Variants in KDM4B observed in about 807,000 individuals in gnomAD.
The protein encoded by KDM4B is lysine demethylase 4B.
In KDM4B, 32 loss-of-function variants were observed where a neutral mutation model predicts 125.2. That is an observed-to-expected ratio of 0.26 (90% CI 0.19 to 0.34). The LOEUF (loss-of-function observed/expected upper bound fraction) is 0.34. KDM4B is among the 10% of genes least tolerant of loss of function. The pLI is 1.00. For missense variants in KDM4B, 1,190 were observed against 1,577.7 expected, an observed-to-expected ratio of 0.75 and a Z score of 4.16; for synonymous variants, 721 against 677.9, an observed-to-expected ratio of 1.06 and a Z score of -0.99.
intron 1 of KDM4B, among the ~76,000 whole-genome samples, chr19:4,969,452 G>A (rs1161146724): frequency 2.7e-5 from 4 of 148,478 alleles, no homozygotes; most frequent in African/African-American, 9.7e-5. Context: ...GGGCGGGGGC[G>A]GCGGGGCCGG....
chr19:5,031,443 C>T lies in KDM4B; in HGVS notation c.-25-1423C>T, dbSNP rs529919911. Among the ~76,000 whole-genome samples the T allele has an allele frequency of 4.6e-5, 7 of 152,356 alleles. No homozygotes were observed. In the South Asian group the frequency reaches 8.3e-4, roughly 18 times the overall value. On this transcript the variant is annotated intron_variant, in intron 2 of 22. Transcript: ENST00000159111. The stretch of plus-strand genomic sequence containing the variant: ...GCCTCCTGTGCAGACACTGGCTTTG[C>T]GGCTGCCCCATGGGAGAAGCTGCGA...
At position 4,997,163 on chromosome 19, in the gene KDM4B, C is replaced by T. The variant is rs2035228095; in HGVS notation, c.-108-19094C>T. On this transcript the variant is annotated intron_variant, in intron 1 of 22. Transcript: ENST00000159111. This position sits in a 1 kb window ranked among gnomAD's most constrained non-coding sequence, Gnocchi z 4.2. ...GCACGATCAGCCTTGGTGGAGAACCCCTGTTTTGGAATAACCCTTTCTGTA... is the reference window on the plus strand; with the variant it reads ...GCACGATCAGCCTTGGTGGAGAACCTCTGTTTTGGAATAACCCTTTCTGTA... Among the ~76,000 whole-genome samples, 1 of 152,192 alleles carries T rather than the reference C, an allele frequency of 6.6e-6. No homozygotes were observed. The highest frequency in any genetic ancestry group is 2.1e-4 in the South Asian group (1 of 4,834).
intron 1 of KDM4B, among the ~76,000 whole-genome samples, chr19:4,975,330 T>G (rs976485632): frequency 6.6e-6 from 1 of 152,198 alleles, no homozygotes; most frequent in African/African-American, 2.4e-5. Context: ...AATTTTTACA[T>G]TATAAGACAT....
At chr19:5,085,198 A>G (rs959468412) in intron 9 of KDM4B, among the ~76,000 whole-genome samples, 2 of 152,236 alleles carry the variant, frequency 1.3e-5, no homozygotes, top group South Asian at 4.1e-4. Flanking sequence ...AGATGCCCCC[A>G]GGACTCAGTT....
At chr19:5,102,034 G>A (rs2038946390) in intron 9 of KDM4B, among the ~76,000 whole-genome samples, 1 of 152,170 alleles carries the variant, frequency 6.6e-6, no homozygotes, top group African/African-American at 2.4e-5. Context: ...GGGTGCTGCG[G>A]CAGTCCTCGC....
intron 6 of KDM4B, among the ~76,000 whole-genome samples, chr19:5,052,703 C>T (rs2145731755): frequency 6.6e-6 from 1 of 152,358 alleles, no homozygotes; most frequent in Admixed American, 6.5e-5. Context: ...TGGCCTCTGC[C>T]CTGTCCCTTG....
At chr19:5,026,560 G>A (rs114311328) in intron 2 of KDM4B, among the ~76,000 whole-genome samples, 2,154 of 152,156 alleles carry the variant, frequency 0.014, 54 homozygotes, top group African/African-American at 0.049. Flanking sequence ...GCCCCGTCTC[G>A]TCCCAGAACC....
chr19:5,008,646 A>G (rs1368541268), intron 1 of KDM4B, among the ~76,000 whole-genome samples: 1 of 142,966 alleles, frequency 7.0e-6, no homozygotes, highest in Admixed American at 7.3e-5. Context: ...ACTGGAGTGC[A>G]GTGCCACAAT....
chr19:5,108,466 C>T (rs767295180), intron 9 of KDM4B, among the ~76,000 whole-genome samples: 44 of 152,164 alleles, frequency 2.9e-4, no homozygotes, highest in Non-Finnish European at 5.1e-4. Flanking sequence ...TTCCATGGCC[C>T]CCCTGGGACT....
chr19:5,118,453 C>G (rs1457328025), intron 10 of KDM4B, among the ~76,000 whole-genome samples: 1 of 152,032 alleles, frequency 6.6e-6, no homozygotes, highest in Non-Finnish European at 1.5e-5. Flanking sequence ...GGCCCCTGGC[C>G]AGGCCAGGGC....
chr19:5,068,556 CTG>C (rs1568273152), intron 6 of KDM4B, among the ~76,000 whole-genome samples: 1 of 152,246 alleles, frequency 6.6e-6, no homozygotes, highest in Non-Finnish European at 1.5e-5. Flanking sequence ...CTCTTGGAAA[CTG>C]AGGTTTTTCT....
At chr19:5,017,292 TGG>T in intron 2 of KDM4B, among the ~76,000 whole-genome samples, 1 of 152,158 alleles carries the variant, frequency 6.6e-6, no homozygotes, top group Non-Finnish European at 1.5e-5. Flanking sequence ...TCTGGTCACG[TGG>T]TTGGCAAACT....
intron 9 of KDM4B, among the ~76,000 whole-genome samples, chr19:5,095,698 C>G (rs1402944911): frequency 6.6e-6 from 1 of 152,216 alleles, no homozygotes; most frequent in African/African-American, 2.4e-5. Context: ...GGGTGGACCC[C>G]TCAACCTGGA....
At chr19:4,996,540 A>T (rs949585850) in intron 1 of KDM4B, among the ~76,000 whole-genome samples, 8 of 142,140 alleles carry the variant, frequency 5.6e-5, no homozygotes, top group Non-Finnish European at 9.3e-5. Context: ...CATCTGGCTA[A>T]TTTTTTTTTT....
chr19:5,060,955 T>C (rs2037575242), intron 6 of KDM4B, among the ~76,000 whole-genome samples: 1 of 152,244 alleles, frequency 6.6e-6, no homozygotes, highest in African/African-American at 2.4e-5. Flanking sequence ...ATGCCTCCAA[T>C]CTGGCCTTTA....
At chr19:5,017,401 T>C (rs914241264) in intron 2 of KDM4B, among the ~76,000 whole-genome samples, 2 of 152,182 alleles carry the variant, frequency 1.3e-5, no homozygotes, top group African/African-American at 4.8e-5. Context: ...CCTGGTTGCC[T>C]TCTCCTCACA....
chr19:5,092,339 G>A (rs1468710418), intron 9 of KDM4B, among the ~76,000 whole-genome samples: 4 of 152,124 alleles, frequency 2.6e-5, no homozygotes, highest in African/African-American at 9.7e-5. Flanking sequence ...CCACAACATC[G>A]GCAGGCACAT....
In KDM4B at chr19:5,035,210, G is replaced by A. The variant is rs532707376; in HGVS notation, c.141+2179G>A. Among the ~76,000 whole-genome samples the A allele has an allele frequency of 1.2e-4, 18 of 152,218 alleles. No homozygotes were observed. The South Asian group carries it at 3.7e-3, about 32-fold the overall frequency. On this transcript the variant is annotated intron_variant, in intron 3 of 22. Coordinates refer to ENST00000159111, the MANE Select transcript of KDM4B (RefSeq NM_015015.3). The surrounding 1 kb of genome is among the most constrained non-coding windows in gnomAD (Gnocchi z 5.3). ...TTCCTCCTCTCCCTGGTGCACATAG[G>A]GCAGGTGGGACAGGCGTCGCCTCCC...
chr19:4,985,894 C>T (rs1357066823), intron 1 of KDM4B, among the ~76,000 whole-genome samples: 1 of 152,214 alleles, frequency 6.6e-6, no homozygotes, highest in African/African-American at 2.4e-5. Context: ...AGGAAGCCTC[C>T]CCGGCGCCCA....
Sources: allele counts gnomAD v4.1 joint callset (sites outside exome capture counted in the v4.1 genomes callset), GRCh38; gene constraint gnomAD v4.1.1; non-coding constraint Gnocchi (gnomAD v3.1); transcripts MANE v1.5; gene names NCBI Gene and HGNC (gene_info 2026-07-23, HGNC 2026-07-21).